The following FHIT variants were observed in gnomAD, a reference collection of about 807,000 sequenced individuals.
FHIT encodes fragile histidine triad diadenosine triphosphatase, also known as bis(5'-adenosyl)-triphosphatase.
Under a neutral mutation model 17.9 loss-of-function variants are expected in FHIT, and 19 were observed. That is an observed-to-expected ratio of 1.06 (90% CI 0.74 to 1.56). The LOEUF is 1.56. Ranked by LOEUF, FHIT falls within the 40% of genes most tolerant of loss-of-function variation. FHIT has a pLI of 0.00. For synonymous variants in FHIT, 81 were observed against 69.7 expected (o/e 1.16, Z -0.81); for missense variants, 248 against 189.2 (o/e 1.31, Z -1.82).
rs377163083 is a variant in FHIT at position 60,536,875 on chromosome 3, G to T, written c.88C>A (p.Pro30Thr). 1.2e-6 allele frequency: 2 copies of T among 1,607,380 alleles called. No individual in the cohort carries two copies. Among genetic ancestry groups the T allele is most frequent in the African/African-American group, 1.3e-5 (1 of 74,498 alleles). Residue 30 changes from proline (P) to threonine (T), a missense_variant, in exon 5 of 10, where the codon CCT becomes ACT. Pro to Thr is a conservative substitution (Grantham distance 38). Coordinates refer to ENST00000492590, the MANE Select transcript of FHIT (RefSeq NM_002012.4). ...ELSFALVNRK[P>T]VVPGHVLVCP... is the part of the protein sequence containing the mutation. ...GAAAGGATACGTCCTGGTACCACAG[G>T]TTTCCTATTCACAAGAGCGAAGGAC...
At chr3:61,074,734 T>C (rs1374297572) in intron 2 of FHIT, among the ~76,000 whole-genome samples, 2 of 152,176 alleles carry the variant, frequency 1.3e-5, no homozygotes, top group South Asian at 4.1e-4. Flanking sequence ...CAAATATTCA[T>C]TTTGGTGAGC....
intron 5 of FHIT, among the ~76,000 whole-genome samples, chr3:60,415,422 T>A (rs1234295133): frequency 1.3e-5 from 2 of 152,172 alleles, no homozygotes. Context: ...TCATGATTGC[T>A]AACCTTTGTG....
intron 4 of FHIT, among the ~76,000 whole-genome samples, chr3:60,780,044 A>C (rs1178638384): frequency 6.6e-6 from 1 of 152,174 alleles, no homozygotes; most frequent in African/African-American, 2.4e-5. Flanking sequence ...TTGGGGATGC[A>C]AGGATAGAAG....
chr3:60,167,973 G>A (rs545862079), intron 5 of FHIT, among the ~76,000 whole-genome samples: 4 of 152,262 alleles, frequency 2.6e-5, no homozygotes, highest in African/African-American at 7.2e-5. Flanking sequence ...TCAGTGAGCC[G>A]TGATCACACC....
At chr3:60,803,137 T>C (rs1447925) in intron 4 of FHIT, among the ~76,000 whole-genome samples, 101,764 of 152,072 alleles carry the variant, frequency 0.67, 36,274 homozygotes, top group East Asian at 0.85. Flanking sequence ...TTCCGGTTAG[T>C]ACTTACTGGG....
intron 8 of FHIT, among the ~76,000 whole-genome samples, chr3:59,797,188 A>C (rs188383814): frequency 2.6e-4 from 38 of 145,590 alleles, no homozygotes; most frequent in Admixed American, 2.0e-3. Context: ...TTGATATTAC[A>C]ATTTTTTTTT....
chr3:60,580,544 T>C lies in FHIT; in HGVS notation c.-17-43565A>G, dbSNP rs146738931. ...ATTTTATCTGTATGGTTAATATTAA[T>C]TTCCTTTTTGCACCTTCTGGTTGTA... On this transcript the variant is annotated intron_variant, in intron 4 of 9. Coordinates refer to ENST00000492590, the MANE Select transcript of FHIT (RefSeq NM_002012.4). 2.0e-3 allele frequency among the ~76,000 whole-genome samples: 298 copies of C among 152,228 alleles called. 2 individuals are homozygous for C. Among genetic ancestry groups the C allele is most frequent in the South Asian group, 7.7e-3 (37 of 4,816 alleles).
intron 7 of FHIT, among the ~76,000 whole-genome samples, chr3:59,992,024 A>C (rs1224312513): frequency 6.6e-6 from 1 of 152,020 alleles, no homozygotes; most frequent in Non-Finnish European, 1.5e-5. Flanking sequence ...AGGGAAGAGG[A>C]GATGAGGAAG....
At chr3:60,768,288 G>T (rs1374979818) in intron 4 of FHIT, among the ~76,000 whole-genome samples, 2 of 152,160 alleles carry the variant, frequency 1.3e-5, no homozygotes, top group Non-Finnish European at 2.9e-5. Context: ...AGACTGAAAG[G>T]GAAGGGAACA....
intron 5 of FHIT, among the ~76,000 whole-genome samples, chr3:60,126,002 G>C (rs965348028): frequency 2.6e-5 from 4 of 152,130 alleles, no homozygotes; most frequent in Admixed American, 2.6e-4. Flanking sequence ...GCTGATCTAT[G>C]TGGACTACAC....
At chr3:60,899,367 A>G (rs1260441487) in intron 3 of FHIT, among the ~76,000 whole-genome samples, 1 of 152,154 alleles carries the variant, frequency 6.6e-6, no homozygotes, top group Non-Finnish European at 1.5e-5. Flanking sequence ...ATAACTTGCC[A>G]TTTTTACTTT....
chr3:60,559,597 T>C (rs1377034655), intron 4 of FHIT, among the ~76,000 whole-genome samples: 2 of 152,202 alleles, frequency 1.3e-5, no homozygotes, highest in African/African-American at 4.8e-5. Flanking sequence ...TATAATGTTC[T>C]GATCCTCAAA....
intron 8 of FHIT, among the ~76,000 whole-genome samples, chr3:59,838,216 A>G (rs2106735953): frequency 6.6e-6 from 1 of 152,160 alleles, no homozygotes; most frequent in East Asian, 1.9e-4. Flanking sequence ...CCCTGACCCC[A>G]GTCCCACTCT....
chr3:61,214,492 C>T (rs1254604758), intron 1 of FHIT, among the ~76,000 whole-genome samples: 1 of 152,128 alleles, frequency 6.6e-6, no homozygotes. Flanking sequence ...CAATGACAGG[C>T]TCTGAAATTG....
intron 4 of FHIT, among the ~76,000 whole-genome samples, chr3:60,673,802 GTC>G (rs1287278457): frequency 6.6e-6 from 1 of 152,070 alleles, no homozygotes; most frequent in Non-Finnish European, 1.5e-5. Flanking sequence ...TATATGTAAT[GTC>G]TCTCCACTCC....
chr3:60,645,444 G>C (rs1553686507), intron 4 of FHIT, among the ~76,000 whole-genome samples: 7 of 152,168 alleles, frequency 4.6e-5, no homozygotes, highest in Non-Finnish European at 2.9e-5. Context: ...AGAGCTTTCT[G>C]ATTAGTCCTC....
At chr3:61,032,790 A>G (rs2033070042) in intron 3 of FHIT, among the ~76,000 whole-genome samples, 1 of 152,188 alleles carries the variant, frequency 6.6e-6, no homozygotes, top group Non-Finnish European at 1.5e-5. Flanking sequence ...AAAGAGATTT[A>G]TTGTGAGGGA....
At chr3:60,804,542 C>T (rs1701314860) in intron 4 of FHIT, among the ~76,000 whole-genome samples, 2 of 152,164 alleles carry the variant, frequency 1.3e-5, no homozygotes, top group African/African-American at 4.8e-5. Flanking sequence ...ATATTAGCAC[C>T]TACATTACTA....
intron 5 of FHIT, among the ~76,000 whole-genome samples, chr3:60,059,215 C>A (rs995870046): frequency 6.6e-6 from 1 of 152,160 alleles, no homozygotes; most frequent in Non-Finnish European, 1.5e-5. Context: ...AACTGGTAAT[C>A]AGCAGTTTTC....
Sources: allele counts gnomAD v4.1 joint callset (sites outside exome capture counted in the v4.1 genomes callset), GRCh38; gene constraint gnomAD v4.1.1; transcripts MANE v1.5; gene names NCBI Gene and HGNC (gene_info 2026-07-23, HGNC 2026-07-21).